Variants in RGS9 observed in about 807,000 individuals in gnomAD.
RGS9 encodes regulator of G protein signaling 9.
A neutral mutation model predicts 102.0 loss-of-function variants in RGS9; 78 were observed. That is an observed-to-expected ratio of 0.76 (90% CI 0.64 to 0.92). The LOEUF is 0.92. Ranked by LOEUF, RGS9 falls within the 40% of genes least tolerant of loss-of-function variation. RGS9 has a pLI of 0.00. For missense variants in RGS9, 833 were observed against 866.1 expected (o/e 0.96, Z 0.48); for synonymous variants, 353 against 318.6 (o/e 1.11, Z -1.15).
chr17:65,164,686 T>C (rs1430305051), intron 7 of RGS9, among the ~76,000 whole-genome samples: 1 of 152,176 alleles, frequency 6.6e-6, no homozygotes, highest in Admixed American at 6.5e-5. Context: ...GGGGAAAATA[T>C]GTTCTTAGGG....
intron 9 of RGS9, among the ~76,000 whole-genome samples, chr17:65,180,650 A>G (rs116296449): frequency 0.011 from 1,701 of 152,278 alleles, 37 homozygotes; most frequent in African/African-American, 0.039. Flanking sequence ...GCGCCTGGCT[A>G]TCAATCCTTC....
In RGS9 at chr17:65,205,749, GTTATATGATATACA is replaced by G. The variant is rs572325727; in HGVS notation, c.1203+1461_1203+1474del. On this transcript the variant is annotated intron_variant, in intron 15 of 18. Transcript: ENST00000262406. ...ATCTGATGTAGGTCATGTGATATAG[GTTATATGATATACA>G]TTATATGATATAGGTTATGTGATAT... Among the ~76,000 whole-genome samples, 483 of 151,698 alleles carry G rather than the reference GTTATATGATATACA, an allele frequency of 3.2e-3. 1 individual carries two copies. Among genetic ancestry groups the G allele is most frequent in the Non-Finnish European group, 4.7e-3 (316 of 67,860 alleles).
chr17:65,218,277 G>A (rs1450589272), intron 17 of RGS9, among the ~76,000 whole-genome samples: 1 of 152,224 alleles, frequency 6.6e-6, no homozygotes, highest in Non-Finnish European at 1.5e-5. Context: ...AAAGAGGGAG[G>A]TGTTGTCTTC....
intron 17 of RGS9, among the ~76,000 whole-genome samples, chr17:65,217,411 G>T (rs897142433): frequency 6.6e-6 from 1 of 152,190 alleles, no homozygotes; most frequent in Non-Finnish European, 1.5e-5. Flanking sequence ...CCATCCTGCC[G>T]TGCCGAATCA....
intron 7 of RGS9, among the ~76,000 whole-genome samples, chr17:65,164,535 G>T (rs1160127983): frequency 1.3e-5 from 2 of 152,194 alleles, no homozygotes; most frequent in Non-Finnish European, 2.9e-5. Context: ...TAGACTTGCT[G>T]GTGCTCAGCT....
chr17:65,180,416 T>A (rs1346800139), intron 9 of RGS9, among the ~76,000 whole-genome samples: 1 of 152,180 alleles, frequency 6.6e-6, no homozygotes, highest in Non-Finnish European at 1.5e-5. Flanking sequence ...TGGCGTGATC[T>A]CGGCTCACTG....
chr17:65,223,716 C>T (rs1052431636), intron 17 of RGS9, among the ~76,000 whole-genome samples: 3 of 151,280 alleles, frequency 2.0e-5, no homozygotes, highest in Admixed American at 1.3e-4. Flanking sequence ...ACCTCCTTCT[C>T]GAGGACCAGA....
In RGS9 at chr17:65,163,105, C is replaced by A. The variant is rs73347605; in HGVS notation, c.500+16C>A. 6,873 of 1,374,112 alleles carry A rather than the reference C, an allele frequency of 5.0e-3. 272 individuals carry two copies. In the African/African-American group the frequency reaches 0.086, roughly 17 times the overall value. The allele number at this position is 1,374,112 out of a possible 1,614,324, so 85.1% of individuals were successfully genotyped here. On this transcript the variant is annotated intron_variant, in intron 7 of 18. Coordinates refer to ENST00000262406, the MANE Select transcript of RGS9 (RefSeq NM_003835.4). Reference sequence around the variant, plus strand: ...AGCAGTACAGGTGAGTGAAAGGAGACCATGCTTGTCCTCTCGGTGTCTTTC... The same window carrying A: ...AGCAGTACAGGTGAGTGAAAGGAGAACATGCTTGTCCTCTCGGTGTCTTTC...
At chr17:65,214,069 C>A (rs982172287) in intron 17 of RGS9, among the ~76,000 whole-genome samples, 1 of 152,154 alleles carries the variant, frequency 6.6e-6, no homozygotes, top group Non-Finnish European at 1.5e-5. Context: ...TCTAGCAATT[C>A]GCTCATCTCA....
At position 65,205,035 on chromosome 17, in the gene RGS9, T is replaced by C. The variant is rs115236475; in HGVS notation, c.1203+734T>C. Among the ~76,000 whole-genome samples the C allele has an allele frequency of 6.0e-3, 919 of 152,268 alleles. 20 individuals are homozygous for C. The highest frequency in any genetic ancestry group is 0.021 in the African/African-American group (872 of 41,536). Reference sequence around the variant, plus strand: ...TAGGAGAGACAAATTTGTGTGTGTGTGATTGTAGTAAGACCCTGTGAGAAT... The same window carrying C: ...TAGGAGAGACAAATTTGTGTGTGTGCGATTGTAGTAAGACCCTGTGAGAAT... On this transcript the variant is annotated intron_variant, in intron 15 of 18. Coordinates refer to ENST00000262406, the MANE Select transcript of RGS9 (RefSeq NM_003835.4).
At chr17:65,154,635 C>G (rs937736502) in intron 2 of RGS9, among the ~76,000 whole-genome samples, 8 of 152,196 alleles carry the variant, frequency 5.3e-5, no homozygotes, top group African/African-American at 1.7e-4. Flanking sequence ...GCCACTGTCT[C>G]CTCTCTGTGT....
intron 18 of RGS9, 33 bp from the exon 19 acceptor site, chr17:65,227,242 C>T (rs745337742): frequency 6.2e-7 from 1 of 1,614,056 alleles, no homozygotes; most frequent in Admixed American, 1.7e-5. Flanking sequence ...TGCCCCTGCC[C>T]CTACATTACT....
At chr17:65,166,972 G>A (rs549296500) in intron 7 of RGS9, among the ~76,000 whole-genome samples, 38 of 152,296 alleles carry the variant, frequency 2.5e-4, no homozygotes, top group Non-Finnish European at 4.7e-4. Flanking sequence ...AGATGAATTC[G>A]CCGACTCTGT....
chr17:65,224,963 G>A (rs770327125), intron 17 of RGS9, 39 bp from the exon 18 acceptor site: 2 of 1,611,068 alleles, frequency 1.2e-6, no homozygotes, highest in African/African-American at 2.7e-5. Flanking sequence ...CTGGGGCCAT[G>A]CAACTCACCA....
At chr17:65,182,342 A>G (rs1208438208) in intron 9 of RGS9, among the ~76,000 whole-genome samples, 2 of 152,214 alleles carry the variant, frequency 1.3e-5, no homozygotes, top group Non-Finnish European at 2.9e-5. Context: ...CATGGACCTG[A>G]GTGCGCCACC....
chr17:65,175,150 T>A (rs148461416), intron 8 of RGS9, among the ~76,000 whole-genome samples: 10 of 151,958 alleles, frequency 6.6e-5, no homozygotes, highest in African/African-American at 2.4e-4. Flanking sequence ...CATATGTACA[T>A]GTGGGAGTAT....
chr17:65,187,425 A>G (rs1326226431), intron 9 of RGS9, among the ~76,000 whole-genome samples: 2 of 152,222 alleles, frequency 1.3e-5, no homozygotes, highest in Non-Finnish European at 2.9e-5. Context: ...AACTCTTCCT[A>G]ATCCCCTATG....
intron 2 of RGS9, 75 bp downstream of exon 2, chr17:65,153,593 TA>T (rs1328153178): frequency 7.9e-7 from 1 of 1,267,182 alleles, no homozygotes; most frequent in African/African-American, 1.5e-5. Flanking sequence ...CCTGTGTTTG[TA>T]AAAAACTTTA....
intron 13 of RGS9, 82 bp from the exon 14 acceptor site, chr17:65,201,911 A>G: frequency 1.1e-6 from 1 of 933,542 alleles, no homozygotes; most frequent in Non-Finnish European, 1.8e-6. Flanking sequence ...ATCCCGGTTG[A>G]CTCATTTCTT....
Sources: allele counts gnomAD v4.1 joint callset (sites outside exome capture counted in the v4.1 genomes callset), GRCh38; gene constraint gnomAD v4.1.1; transcripts MANE v1.5; gene names NCBI Gene and HGNC (gene_info 2026-07-23, HGNC 2026-07-21).